INSL6: variants seen among roughly 807,000 people sequenced by gnomAD.
INSL6 encodes insulin-like peptide INSL6.
A neutral mutation model predicts 9.4 loss-of-function variants in INSL6; 16 were observed. That is an observed-to-expected ratio of 1.70 (90% CI 1.15 to 2.59). The LOEUF (loss-of-function observed/expected upper bound fraction) is 2.59, where lower values mean the gene tolerates loss of function less well. Among genes scored for constraint, INSL6 ranks in the 30% most tolerant of loss-of-function variants. The probability of loss-of-function intolerance (pLI) is 0.00; values close to 1 mark genes in which losing one functional copy is unlikely to be tolerated. For synonymous variants in INSL6, 154 were observed against 96.9 expected, an observed-to-expected ratio of 1.59 and a Z score of -3.46; for missense variants, 391 against 257.3, an observed-to-expected ratio of 1.52 and a Z score of -3.56.
At chr9:5,087,119 G>T in the INSL6 span, among the ~76,000 whole-genome samples, 2 of 152,204 alleles carry the variant, frequency 1.3e-5, no homozygotes, top group East Asian at 3.8e-4. Flanking sequence ...CTTACTGGTT[G>T]TATTAGTCTG....
the INSL6 span, chr9:5,070,188 A>G: frequency 9.8e-6 from 5 of 509,092 alleles, no homozygotes; most frequent in Non-Finnish European, 1.6e-5. Flanking sequence ...TTTTCTTATG[A>G]AAAATATGCC....
At chr9:5,097,202 A>G in the INSL6 span, 1 of 151,798 alleles carries the variant, frequency 6.6e-6, no homozygotes, top group South Asian at 2.1e-4. Flanking sequence ...AATATCAAAC[A>G]CCCCTTTTCG....
chr9:5,098,711 T>C, the INSL6 span: 2 of 151,708 alleles, frequency 1.3e-5, no homozygotes, highest in African/African-American at 4.9e-5. Context: ...TTTTTTTTTT[T>C]GAGACAGAGT....
the INSL6 span, chr9:5,077,338 G>T: frequency 2.7e-6 from 1 of 364,598 alleles, no homozygotes; most frequent in Non-Finnish European, 4.6e-6. Context: ...TGTGAGTTTT[G>T]CCAATTTAAT....
the INSL6 span, among the ~76,000 whole-genome samples, chr9:5,043,073 C>T: frequency 6.6e-6 from 1 of 152,188 alleles, no homozygotes. Context: ...TGTCTCTGTG[C>T]TCCGCCCCCT....
the INSL6 span, among the ~76,000 whole-genome samples, chr9:5,005,524 A>G: frequency 3.3e-5 from 5 of 152,140 alleles, no homozygotes; most frequent in African/African-American, 1.2e-4. Context: ...CATTTGGTCA[A>G]GATGTATTCT....
At chr9:5,054,925 G>A in the INSL6 span, 9 of 1,382,810 alleles carry the variant, frequency 6.5e-6, no homozygotes, top group African/African-American at 1.5e-5. This position sits in a 1 kb window ranked among gnomAD's most constrained non-coding sequence, Gnocchi z 4.9. Context: ...GTTATTTTAA[G>A]TACAATGGAA....
intron 2 of INSL6, among the ~76,000 whole-genome samples, chr9:5,142,801 C>G (rs1225080225): frequency 6.6e-6 from 1 of 152,054 alleles, no homozygotes; most frequent in East Asian, 1.9e-4. Context: ...ATGCTTCAAA[C>G]TTTTACCCAT....
the INSL6 span, among the ~76,000 whole-genome samples, chr9:5,057,541 T>TC: frequency 1.3e-5 from 2 of 151,280 alleles, no homozygotes; most frequent in South Asian, 4.2e-4. Flanking sequence ...ACTCACCATT[T>TC]CCCCCTCTTC....
intron 1 of INSL6, among the ~76,000 whole-genome samples, chr9:5,179,839 C>A (rs1009316120): frequency 6.6e-6 from 1 of 152,038 alleles, no homozygotes; most frequent in Non-Finnish European, 1.5e-5. Context: ...CTGGGGCCTG[C>A]CTGACAGGGG....
the INSL6 span, among the ~76,000 whole-genome samples, chr9:5,050,288 CATTT>C: frequency 2.6e-5 from 4 of 152,006 alleles, no homozygotes; most frequent in African/African-American, 7.3e-5. Context: ...GAATTTATGC[CATTT>C]ATTTATTTAT....
chr9:5,111,681 G>C, the INSL6 span: 1 of 423,338 alleles, frequency 2.4e-6, no homozygotes, highest in African/African-American at 2.0e-5. Context: ...CCTGTGGGCA[G>C]TGGCGGAGGC....
chr9:5,003,367 C>G, the INSL6 span, among the ~76,000 whole-genome samples: 5 of 152,054 alleles, frequency 3.3e-5, no homozygotes, highest in African/African-American at 1.2e-4. Context: ...GTCTATCCCT[C>G]TCTTATTTAG....
the INSL6 span, chr9:5,089,537 CAAAAAAAAAAAAAAAAA>C: frequency 4.6e-5 from 4 of 87,066 alleles, no homozygotes; most frequent in East Asian, 7.2e-4. Context: ...GACTTCGTCT[CAAAAAAAAAAAAAAAAA>C]AAAAAAAAAA....
downstream of INSL6, among the ~76,000 whole-genome samples, chr9:5,121,918 C>T (rs568385433): frequency 1.3e-5 from 2 of 152,248 alleles, no homozygotes; most frequent in African/African-American, 4.8e-5. Context: ...ATAGTGCTGT[C>T]TTCAAGAACT....
At chr9:5,168,203 A>T (rs1354193631) in intron 1 of INSL6, among the ~76,000 whole-genome samples, 1 of 152,226 alleles carries the variant, frequency 6.6e-6, no homozygotes, top group African/African-American at 2.4e-5. Flanking sequence ...CATGAAGGGC[A>T]CAGAACCGGG....
chr9:5,135,692 C>G (rs775831202), intron 2 of INSL6, among the ~76,000 whole-genome samples: 6 of 151,942 alleles, frequency 3.9e-5, no homozygotes, highest in Non-Finnish European at 8.8e-5. Context: ...CATTGACACC[C>G]TAACATCACA....
At chr9:5,158,220 G>A (rs1824857992) in intron 2 of INSL6, among the ~76,000 whole-genome samples, 2 of 152,134 alleles carry the variant, frequency 1.3e-5, no homozygotes, top group South Asian at 4.2e-4. Context: ...CCCAAAAAGG[G>A]CAAATCTAAA....
downstream of INSL6, among the ~76,000 whole-genome samples, chr9:5,161,980 G>C: frequency 6.6e-6 from 1 of 151,760 alleles, no homozygotes; most frequent in South Asian, 2.1e-4. Context: ...TCAGGAGGCT[G>C]AGGTGGGAGG....
Sources: gnomAD v4.1 joint callset for allele counts (sites outside exome capture counted in the v4.1 genomes callset) on GRCh38, gnomAD v4.1.1 for gene constraint, Gnocchi (gnomAD v3.1) non-coding constraint, MANE v1.5 for transcripts, NCBI Gene and HGNC (gene_info 2026-07-23, HGNC 2026-07-21) for gene names.